Variants in LHFPL6 observed in about 807,000 individuals in gnomAD.
LHFPL6 encodes LHFPL tetraspan subfamily member 6.
LHFPL6 carries 9 observed loss-of-function variants against 20.6 expected under a neutral mutation model. That is an observed-to-expected ratio of 0.44 (90% CI 0.26 to 0.76). LHFPL6 has a LOEUF of 0.76. LHFPL6 is among the 30% of genes least tolerant of loss of function. The probability of loss-of-function intolerance (pLI) is 0.20; values close to 1 mark genes in which losing one functional copy is unlikely to be tolerated. For synonymous variants in LHFPL6, 105 were observed against 98.7 expected, an observed-to-expected ratio of 1.06 and a Z score of -0.38; for missense variants, 218 against 253.5, an observed-to-expected ratio of 0.86 and a Z score of 0.95.
chr13:39,564,911 A>AT (rs1395104810), intron 2 of LHFPL6, among the ~76,000 whole-genome samples: 1 of 152,192 alleles, frequency 6.6e-6, no homozygotes, highest in African/African-American at 2.4e-5. Flanking sequence ...ATATCTTGCT[A>AT]TTGTATAGTG....
intron 2 of LHFPL6, among the ~76,000 whole-genome samples, chr13:39,591,031 T>A (rs1872575555): frequency 6.6e-6 from 1 of 152,152 alleles, no homozygotes; most frequent in South Asian, 2.1e-4. Context: ...AGGTCAAAAA[T>A]AAATAATTCT....
chr13:39,431,110 A>C (rs1871786052), intron 2 of LHFPL6, among the ~76,000 whole-genome samples: 1 of 152,212 alleles, frequency 6.6e-6, no homozygotes, highest in Admixed American at 6.5e-5. Flanking sequence ...TATAACACTC[A>C]CTGGGAAGGT....
chr13:39,406,873 T>A (rs1479334194), intron 2 of LHFPL6, among the ~76,000 whole-genome samples: 1 of 151,956 alleles, frequency 6.6e-6, no homozygotes. Context: ...CCACTGGGAG[T>A]GGTTGAGTAT....
At chr13:39,526,561 C>T (rs1430877979) in intron 2 of LHFPL6, among the ~76,000 whole-genome samples, 2 of 152,234 alleles carry the variant, frequency 1.3e-5, no homozygotes, top group African/African-American at 4.8e-5. Context: ...AATCTAGGTT[C>T]TTTCCACCGG....
rs1176670723 is a variant in LHFPL6, at chr13:39,479,080, T to TAGATAGAC, written c.386-100555_386-100554insGTCTATCT. Among the ~76,000 whole-genome samples the TAGATAGAC allele has an allele frequency of 1.5e-3, 221 of 147,338 alleles. 2 individuals carry two copies. The highest frequency in any genetic ancestry group is 5.1e-3 in the African/African-American group (202 of 39,858). On this transcript the variant is annotated intron_variant, in intron 2 of 3. Transcript: ENST00000379589. The stretch of plus-strand genomic sequence containing the variant: ...ATAGATAGATAGATAGATAGATAGA[T>TAGATAGAC]AGACAGACATAGGTTGATCTCTACC...
rs143971263 is a variant in LHFPL6, at chr13:39,416,140, G to A, written c.386-37614C>T. Among the ~76,000 whole-genome samples, 19 of 152,250 alleles carry A rather than the reference G, an allele frequency of 1.2e-4. No homozygotes were observed. The East Asian group carries it at 2.3e-3, about 19-fold the overall frequency. Reference sequence around the variant, plus strand: ...GTAAAGAAAATTAATATGAACTGACGTCTTTGATGAGAGTAAGAGTAGTAA... The same window carrying A: ...GTAAAGAAAATTAATATGAACTGACATCTTTGATGAGAGTAAGAGTAGTAA... On this transcript the variant is annotated intron_variant, in intron 2 of 3. Transcript: ENST00000379589.
intron 2 of LHFPL6, among the ~76,000 whole-genome samples, chr13:39,421,104 C>CA (rs35794100): frequency 0.81 from 123,179 of 151,864 alleles, 51,220 homozygotes; most frequent in Non-Finnish European, 0.9. Context: ...ACAACAACAA[C>CA]AAAAAAAACT....
rs375896790 is a variant in LHFPL6, at chr13:39,416,159, G to A, written c.386-37633C>T. Among the ~76,000 whole-genome samples the A allele has an allele frequency of 1.3e-3, 193 of 152,276 alleles. 7 individuals carry two copies. In the South Asian group the frequency reaches 0.039, roughly 31 times the overall value. Reference sequence around the variant, plus strand: ...ACTGACGTCTTTGATGAGAGTAAGAGTAGTAAGACTATGTGGGGAAAAATA... The same window carrying A: ...ACTGACGTCTTTGATGAGAGTAAGAATAGTAAGACTATGTGGGGAAAAATA... On this transcript the variant is annotated intron_variant, in intron 2 of 3. Transcript: ENST00000379589.
At chr13:39,453,560 C>A (rs1260422669) in intron 2 of LHFPL6, among the ~76,000 whole-genome samples, 1 of 152,152 alleles carries the variant, frequency 6.6e-6, no homozygotes, top group Non-Finnish European at 1.5e-5. Context: ...TTAAAATATT[C>A]AACATTGGCA....
rs539344313 is a variant in LHFPL6, at chr13:39,566,433, T to C, written c.385+34399A>G. Among the ~76,000 whole-genome samples, 6 of 152,260 alleles carry C rather than the reference T, an allele frequency of 3.9e-5. No individual in the cohort carries two copies. The South Asian group carries it at 1.0e-3, about 26-fold the overall frequency. On this transcript the variant is annotated intron_variant, in intron 2 of 3. Coordinates refer to ENST00000379589, the MANE Select transcript of LHFPL6 (RefSeq NM_005780.3). ...CATCACTTACAAAAGGTTACTGAGA[T>C]TGACGAAGTAATAAATGATGAGTTC...
Position 39,564,056 on chromosome 13 carries a change from G to A in LHFPL6, c.385+36776C>T, listed in dbSNP as rs994358993. Among the ~76,000 whole-genome samples the A allele has an allele frequency of 4.6e-5, 7 of 152,186 alleles. No individual in the cohort carries two copies. The East Asian group carries it at 5.8e-4, about 13-fold the overall frequency. On this transcript the variant is annotated intron_variant, in intron 2 of 3. Coordinates refer to ENST00000379589, the MANE Select transcript of LHFPL6 (RefSeq NM_005780.3). Reference sequence around the variant, plus strand: ...CATGGACTGCTATTATCATTGCACTGGAAGGCTTCCCACCATCGAGAGTCA... The same window carrying A: ...CATGGACTGCTATTATCATTGCACTAGAAGGCTTCCCACCATCGAGAGTCA...
chr13:39,395,894 A>G (rs1870828942), intron 2 of LHFPL6, among the ~76,000 whole-genome samples: 1 of 152,212 alleles, frequency 6.6e-6, no homozygotes, highest in Admixed American at 6.5e-5. Flanking sequence ...ACAGTGGAGG[A>G]AGTTTGCTTT....
At position 39,477,560 on chromosome 13, in the gene LHFPL6, G is replaced by A. The variant is rs540724207; in HGVS notation, c.386-99034C>T. On this transcript the variant is annotated intron_variant, in intron 2 of 3. Coordinates refer to ENST00000379589, the MANE Select transcript of LHFPL6 (RefSeq NM_005780.3). ...GTGCCTGCCTTTAGATACTGTCAAG[G>A]AGAAGAGAGTTCTATGTGTTAACCA... Among the ~76,000 whole-genome samples the A allele has an allele frequency of 7.2e-5, 11 of 152,246 alleles. No individual in the cohort carries two copies. In the East Asian group the frequency reaches 7.7e-4, roughly 11 times the overall value.
At chr13:39,599,876 C>A (rs1264932216) in intron 2 of LHFPL6, among the ~76,000 whole-genome samples, 1 of 152,152 alleles carries the variant, frequency 6.6e-6, no homozygotes, top group African/African-American at 2.4e-5. Flanking sequence ...GAGGGAGTAA[C>A]AGACCTTTAC....
At chr13:39,565,391 C>G (rs1054018288) in intron 2 of LHFPL6, among the ~76,000 whole-genome samples, 107 of 152,214 alleles carry the variant, frequency 7.0e-4, no homozygotes, top group African/African-American at 2.6e-3. Flanking sequence ...CAATACAGTT[C>G]TTAAATAGTA....
chr13:39,547,206 G>A (rs1871008812), intron 2 of LHFPL6, among the ~76,000 whole-genome samples: 1 of 151,808 alleles, frequency 6.6e-6, no homozygotes, highest in Admixed American at 6.6e-5. Context: ...TTATTTTATG[G>A]GGAAAAAAAT....
At chr13:39,400,696 T>C (rs1482898091) in intron 2 of LHFPL6, among the ~76,000 whole-genome samples, 1 of 132,224 alleles carries the variant, frequency 7.6e-6, no homozygotes, top group African/African-American at 2.8e-5. Flanking sequence ...GGCAGGAGAA[T>C]GGCGTGAACC....
chr13:39,462,840 T>G (rs1312278045), intron 2 of LHFPL6, among the ~76,000 whole-genome samples: 1 of 152,116 alleles, frequency 6.6e-6, no homozygotes, highest in African/African-American at 2.4e-5. Flanking sequence ...AAGGTGAAAA[T>G]TGCCCCTGAG....
chr13:39,377,150 A>T (rs1269752652), intron 3 of LHFPL6, among the ~76,000 whole-genome samples: 1 of 152,226 alleles, frequency 6.6e-6, no homozygotes, highest in Admixed American at 6.5e-5. Context: ...TATTACCACT[A>T]GATCATACCC....
Sources: gnomAD v4.1 joint callset for allele counts (sites outside exome capture counted in the v4.1 genomes callset) on GRCh38, gnomAD v4.1.1 for gene constraint, MANE v1.5 for transcripts, NCBI Gene and HGNC (gene_info 2026-07-23, HGNC 2026-07-21) for gene names.